Variants in KCNAB3 observed in about 807,000 individuals in gnomAD.
KCNAB3 encodes the protein potassium voltage-gated channel subfamily A regulatory beta subunit 3.
In KCNAB3, 62 loss-of-function variants were observed where a neutral mutation model predicts 67.7. That is an observed-to-expected ratio of 0.92 (90% CI 0.75 to 1.13). KCNAB3 has a LOEUF of 1.13. Among genes scored for constraint, KCNAB3 ranks in the 50% most tolerant of loss-of-function variants. The pLI, the probability that KCNAB3 is intolerant of heterozygous loss-of-function variation, is 0.00. For synonymous variants in KCNAB3, 212 were observed against 205.4 expected (o/e 1.03, Z -0.27); for missense variants, 514 against 522.9 (o/e 0.98, Z 0.17).
chr17:7,926,522 C>A (rs903369020), intron 4 of KCNAB3, among the ~76,000 whole-genome samples: 7 of 152,214 alleles, frequency 4.6e-5, no homozygotes, highest in African/African-American at 1.2e-4. Context: ...ATAATGTGTT[C>A]TCTGAGTGCC....
At position 7,923,771 on chromosome 17, in the gene KCNAB3, CTT is replaced by C. The variant is rs749921704; in HGVS notation, c.986_987del (p.Lys329SerfsTer27). ...QSEDGKKQQA[K>X]VMDLLPVAHQ... ...TGAGCGACAGGAAGAAGGTCCATGA[CTT>C]TGGCTTGTTGCTTCTTGCCATCTTC... is the stretch of plus-strand genomic sequence containing the variant. On this transcript the variant is annotated frameshift_variant, in exon 12 of 14. Coordinates refer to ENST00000303790, the MANE Select transcript of KCNAB3 (RefSeq NM_004732.4). LOFTEE classifies it high-confidence loss of function. 1.9e-6 allele frequency: 3 copies of C among 1,580,790 alleles called. No individual in the cohort carries two copies. The highest frequency in any genetic ancestry group is 2.3e-5 in the East Asian group (1 of 43,656).
Position 7,929,820 on chromosome 17 carries a change from G to A in KCNAB3, c.-385C>T. 1.9e-4 allele frequency: 190 copies of A among 1,022,576 alleles called. No individual in the cohort carries two copies. Among genetic ancestry groups the A allele is most frequent in the Admixed American group, 1.7e-3 (28 of 16,786 alleles). The allele number at this position is 1,022,576 out of a possible 1,614,324, so 63.3% of individuals were successfully genotyped here. On this transcript the variant is annotated 5_prime_UTR_variant, in exon 1 of 14. Transcript: ENST00000303790. The surrounding 1 kb of genome is among the most constrained non-coding windows in gnomAD (Gnocchi z 5.7). Reference sequence around the variant, plus strand: ...TTCAGCGCGAACCGCTGCGGGACCCGCTGGGCTCCCAGCCGCGTCGGCAGC... The same window carrying A: ...TTCAGCGCGAACCGCTGCGGGACCCACTGGGCTCCCAGCCGCGTCGGCAGC...
chr17:7,929,737 G>A lies in KCNAB3; in HGVS notation c.-302C>T. 2 of 1,272,340 alleles carry A rather than the reference G, an allele frequency of 1.6e-6. No individual in the cohort carries two copies. Among genetic ancestry groups the A allele is most frequent in the Non-Finnish European group, 2.0e-6 (2 of 1,003,548 alleles). The allele number at this position is 1,272,340 out of a possible 1,614,324, so 78.8% of individuals were successfully genotyped here. On this transcript the variant is annotated 5_prime_UTR_variant, in exon 1 of 14. Coordinates refer to ENST00000303790, the MANE Select transcript of KCNAB3 (RefSeq NM_004732.4). The surrounding 1 kb of genome is among the most constrained non-coding windows in gnomAD (Gnocchi z 5.7). Reference sequence around the variant, plus strand: ...GGATGAGGGTAAAGGTCGAGGATGAGGTAAAGGTCTCGGAGGATAAGGACC... The same window carrying A: ...GGATGAGGGTAAAGGTCGAGGATGAAGTAAAGGTCTCGGAGGATAAGGACC...
At chr17:7,928,083 C>G in intron 1 of KCNAB3, 3 of 588,398 alleles carry the variant, frequency 5.1e-6, no homozygotes, top group Non-Finnish European at 6.1e-6. Flanking sequence ...CCTCTTATCA[C>G]ATTGAAGACG....
At chr17:7,925,605 C>CCAGAAGTT (rs369989493) in intron 7 of KCNAB3, 78 bp downstream of exon 7, 9 of 1,455,234 alleles carry the variant, frequency 6.2e-6, no homozygotes, top group East Asian at 4.5e-5. Flanking sequence ...TTCAAAGCCT[C>CCAGAAGTT]CAGAAGTTCA....
Position 7,925,992 on chromosome 17 carries a change from G to T in KCNAB3, c.450-17C>A, listed in dbSNP as rs1196643814. On this transcript the variant is annotated splice_polypyrimidine_tract_variant and intron_variant, in intron 5 of 13. Coordinates refer to ENST00000303790, the MANE Select transcript of KCNAB3 (RefSeq NM_004732.4). ...CTTGATCTCCTGGAAGAATAGAAAT[G>T]GGAGAACCAGTAAGAAAAGGATTTT... 3.7e-6 allele frequency: 6 copies of T among 1,613,844 alleles called. No individual in the cohort carries two copies. Among genetic ancestry groups the T allele is most frequent in the African/African-American group, 1.3e-5 (1 of 74,842 alleles).
rs753189490 is a variant in KCNAB3 at position 7,923,502 on chromosome 17, C to T, written c.1091G>A (p.Gly364Glu). ...RSEGVSSVLL[G>E]VSSAEQLIEH... is the part of the protein sequence containing the mutation. ...TATCAACTGCTCCGCACTCGACACC[C>T]CCAGCAAGACAGAGCTGACACCCTC... The change falls in exon 13 of 14, where the codon GGG (glycine) becomes GAG (glutamate). Residue 364 changes from glycine (G) to glutamate (E), a missense_variant. Coordinates refer to ENST00000303790, the MANE Select transcript of KCNAB3 (RefSeq NM_004732.4). 1.9e-6 allele frequency: 3 copies of T among 1,612,558 alleles called. No individual in the cohort carries two copies. Among genetic ancestry groups the T allele is most frequent in the Non-Finnish European group, 2.5e-6 (3 of 1,179,462 alleles).
intron 4 of KCNAB3, among the ~76,000 whole-genome samples, chr17:7,926,449 T>G (rs373890682): frequency 6.6e-6 from 1 of 152,232 alleles, no homozygotes; most frequent in Non-Finnish European, 1.5e-5. Flanking sequence ...GCCCTCCTCC[T>G]TCTTTGAGCC....
intron 4 of KCNAB3, 115 bp downstream of exon 4, chr17:7,927,229 T>C: frequency 1.0e-6 from 1 of 989,022 alleles, no homozygotes; most frequent in Non-Finnish European, 1.6e-6. Flanking sequence ...GCCAAAAGGT[T>C]GGAACTTCAC....
chr17:7,923,436 C>T lies in KCNAB3; in HGVS notation c.1137+20G>A, dbSNP rs770527778. The T allele has an allele frequency of 6.3e-7, 1 of 1,598,682 alleles. No individual in the cohort carries two copies. Among genetic ancestry groups the T allele is most frequent in the East Asian group, 2.3e-5 (1 of 43,582 alleles). ...TGGGGAGGGGGACAGATAGGCTCTG[C>T]CTCTGAGTCCCCGGCTCACCTGTAG... On this transcript the variant is annotated intron_variant, in intron 13 of 13. Transcript: ENST00000303790.
Position 7,929,606 on chromosome 17 carries a change from C to G in KCNAB3, c.-171G>C. On this transcript the variant is annotated 5_prime_UTR_variant, in exon 1 of 14. Transcript: ENST00000303790. The surrounding 1 kb of genome is among the most constrained non-coding windows in gnomAD (Gnocchi z 5.7). Reference sequence around the variant, plus strand: ...GGATCGGGCCCGCGGGGGCGGGCTGCTGGAGGTCGCGAGGTTTGCGGCGGG... The same window carrying G: ...GGATCGGGCCCGCGGGGGCGGGCTGGTGGAGGTCGCGAGGTTTGCGGCGGG... 7.0e-7 allele frequency: 1 copy of G among 1,427,636 alleles called. No homozygotes were observed. Among genetic ancestry groups the G allele is most frequent in the Non-Finnish European group, 9.1e-7 (1 of 1,099,902 alleles). 88.4% of individuals were successfully genotyped at this position (1,427,636 alleles called of 1,614,324 possible).
In KCNAB3 at chr17:7,923,663, G is replaced by T. The variant is rs1244084423; in HGVS notation, c.1048+48C>A. ...ACAAACCAGTTTTAGGATGGGCTTG[G>T]GAGCATGTCAGGAGGAGACAGGGCC... On this transcript the variant is annotated intron_variant, in intron 12 of 13. Coordinates refer to ENST00000303790, the MANE Select transcript of KCNAB3 (RefSeq NM_004732.4). 8 of 1,552,256 alleles carry T rather than the reference G, an allele frequency of 5.2e-6. No homozygotes were observed. In the Admixed American group the frequency reaches 1.6e-4, roughly 30 times the overall value.
Position 7,927,417 on chromosome 17 carries a change from C to T in KCNAB3, c.331G>A (p.Glu111Lys). The T allele has an allele frequency of 6.2e-7, 1 of 1,613,870 alleles. No individual in the cohort carries two copies. Among genetic ancestry groups the T allele is most frequent in the South Asian group, 1.1e-5 (1 of 91,084 alleles). The change falls in exon 4 of 14, where the codon GAG (glutamate) becomes AAG (lysine). Residue 111 changes from glutamate (E) to lysine (K), a missense_variant. Coordinates refer to ENST00000303790, the MANE Select transcript of KCNAB3 (RefSeq NM_004732.4). ...TCATAGGCTACAGTCAGCACATCCTCTGCTGTCTAGGGAGGTGAAAGAGGT... is the reference window on the plus strand; with the variant it reads ...TCATAGGCTACAGTCAGCACATCCTTTGCTGTCTAGGGAGGTGAAAGAGGT... ...FGSQISDETAEDVLTVAYEHG... is the reference protein window; with the variant it reads ...FGSQISDETAKDVLTVAYEHG...
chr17:7,929,462 GCTCCGAGGGGACGGGA>G lies in KCNAB3; in HGVS notation c.-43_-28del, dbSNP rs1406060754. On this transcript the variant is annotated 5_prime_UTR_variant, in exon 1 of 14. Coordinates refer to ENST00000303790, the MANE Select transcript of KCNAB3 (RefSeq NM_004732.4). The surrounding 1 kb of genome is among the most constrained non-coding windows in gnomAD (Gnocchi z 5.7). ...CTGGCTGGCCGAGGCGGGGGAGGGG[GCTCCGAGGGGACGGGA>G]GGGGGGAGCAGGGAAGCCCGAGGGC... 1 of 1,516,892 alleles carries G rather than the reference GCTCCGAGGGGACGGGA, an allele frequency of 6.6e-7. No individual in the cohort carries two copies. The allele number at this position is 1,516,892 out of a possible 1,614,324, so 94.0% of individuals were successfully genotyped here.
At position 7,927,363 on chromosome 17, in the gene KCNAB3, C is replaced by G. The variant is rs184269668; in HGVS notation, c.385G>C (p.Glu129Gln). Residue 129 changes from glutamate (E) to glutamine (Q), a missense_variant, in exon 4 of 14, where the codon GAA becomes CAA. Coordinates refer to ENST00000303790, the MANE Select transcript of KCNAB3 (RefSeq NM_004732.4). Reference sequence around the variant, plus strand: ...CCTTACTTTCCTGCTGCGTACACTTCGGCGGTGTCAAACAGGTTTACACCA... The same window carrying G: ...CCTTACTTTCCTGCTGCGTACACTTGGGCGGTGTCAAACAGGTTTACACCA... ...EHGVNLFDTA[E>Q]VYAAGKAERT... 1 of 1,613,886 alleles carries G rather than the reference C, an allele frequency of 6.2e-7. No individual in the cohort carries two copies.
chr17:7,922,714 C>A lies in KCNAB3; in HGVS notation c.*388G>T. On this transcript the variant is annotated 3_prime_UTR_variant, in exon 14 of 14. Coordinates refer to ENST00000303790, the MANE Select transcript of KCNAB3 (RefSeq NM_004732.4). ...TACCCTTTGATGACATTTCAAGGGC[C>A]CCTTTTGAGGTACACTGTATGTTTC... 4.1e-6 allele frequency: 1 copy of A among 242,334 alleles called. No individual in the cohort carries two copies. Among genetic ancestry groups the A allele is most frequent in the Admixed American group, 4.8e-5 (1 of 20,672 alleles). The allele number at this position is 242,334 out of a possible 1,614,324, so 15.0% of individuals were successfully genotyped here.
chr17:7,927,015 G>A (rs751771420), intron 4 of KCNAB3: 4 of 318,640 alleles, frequency 1.3e-5, no homozygotes, highest in African/African-American at 2.1e-5. Context: ...AAGAGGCAGG[G>A]TAGGTCATCC....
Position 7,929,480 on chromosome 17 carries a change from G to C in KCNAB3, c.-45C>G, listed in dbSNP as rs527656542. ...GGAGGGGGCTCCGAGGGGACGGGAG[G>C]GGGGAGCAGGGAAGCCCGAGGGCTG... On this transcript the variant is annotated 5_prime_UTR_variant, in exon 1 of 14. Coordinates refer to ENST00000303790, the MANE Select transcript of KCNAB3 (RefSeq NM_004732.4). This position sits in a 1 kb window ranked among gnomAD's most constrained non-coding sequence, Gnocchi z 5.7. The C allele has an allele frequency of 6.0e-4, 921 of 1,540,040 alleles. 2 individuals carry two copies. Among genetic ancestry groups the C allele is most frequent in the Middle Eastern group, 1.6e-3 (7 of 4,350 alleles).
intron 4 of KCNAB3, among the ~76,000 whole-genome samples, chr17:7,926,312 T>C (rs1229013843): frequency 2.0e-5 from 3 of 152,208 alleles, no homozygotes; most frequent in African/African-American, 7.2e-5. Context: ...CAAATATCTG[T>C]TGTGCATTAG....
Sources: allele counts gnomAD v4.1 joint callset (sites outside exome capture counted in the v4.1 genomes callset), GRCh38; gene constraint gnomAD v4.1.1; non-coding constraint Gnocchi (gnomAD v3.1); transcripts MANE v1.5; gene names NCBI Gene and HGNC (gene_info 2026-07-23, HGNC 2026-07-21).